The following PTPN11 variants were observed in gnomAD, a reference collection of about 807,000 sequenced individuals.
The protein encoded by PTPN11 is tyrosine-protein phosphatase non-receptor type 11.
PTPN11 carries 6 observed loss-of-function variants against 78.8 expected under a neutral mutation model. That is an observed-to-expected ratio of 0.08 (90% CI 0.04 to 0.15). The LOEUF is 0.15. Ranked by LOEUF, PTPN11 falls within the 10% of genes least tolerant of loss-of-function variation. The probability of loss-of-function intolerance (pLI) is 1.00; values close to 1 mark genes in which losing one functional copy is unlikely to be tolerated. For missense variants in PTPN11, 386 were observed against 744.8 expected (o/e 0.52, Z 5.61); for synonymous variants, 221 against 263.5 (o/e 0.84, Z 1.56).
intron 6 of PTPN11, among the ~76,000 whole-genome samples, chr12:112,471,282 T>A (rs541524723): frequency 1.3e-5 from 2 of 152,204 alleles, no homozygotes; most frequent in Non-Finnish European, 2.9e-5. Context: ...ATAAATTTTC[T>A]TTTCTTAGCC....
intron 14 of PTPN11, among the ~76,000 whole-genome samples, chr12:112,503,265 A>G (rs1275958172): frequency 6.6e-6 from 1 of 152,238 alleles, no homozygotes; most frequent in Admixed American, 6.5e-5. Flanking sequence ...AAAACACGGT[A>G]GGAAAGCATT....
chr12:112,500,436 A>G (rs1444548595), intron 13 of PTPN11, among the ~76,000 whole-genome samples: 1 of 152,190 alleles, frequency 6.6e-6, no homozygotes, highest in African/African-American at 2.4e-5. Context: ...GCTGTTCAAA[A>G]AATTAAAATA....
At chr12:112,429,838 G>T (rs888643123) in intron 1 of PTPN11, among the ~76,000 whole-genome samples, 1 of 151,326 alleles carries the variant, frequency 6.6e-6, no homozygotes, top group African/African-American at 2.4e-5. Flanking sequence ...GAAATTTTTA[G>T]AAATATGAGA....
intron 2 of PTPN11, among the ~76,000 whole-genome samples, chr12:112,447,118 C>T (rs914336961): frequency 7.2e-5 from 11 of 152,186 alleles, no homozygotes; most frequent in Non-Finnish European, 1.6e-4. Context: ...ATCCTCCTGC[C>T]TCAGCCTCCC....
At chr12:112,422,125 A>G (rs983038633) in intron 1 of PTPN11, among the ~76,000 whole-genome samples, 3 of 152,218 alleles carry the variant, frequency 2.0e-5, no homozygotes, top group Non-Finnish European at 4.4e-5. Flanking sequence ...GGATGGGAGA[A>G]TGCAGTTAGT....
rs942215926 is a variant in PTPN11, at chr12:112,504,006, C to T, written c.1713-689C>T. ...ATCTCTCATCACTGCCTGCCTGCTC[C>T]TGTATTTTCCCTTCTTGGAGCTTTT... On this transcript the variant is annotated intron_variant, in intron 14 of 15. Transcript: ENST00000351677. This position sits in a 1 kb window ranked among gnomAD's most constrained non-coding sequence, Gnocchi z 4.7. 1.1e-4 allele frequency among the ~76,000 whole-genome samples: 16 copies of T among 152,176 alleles called. No homozygotes were observed. The highest frequency in any genetic ancestry group is 2.6e-4 in the Admixed American group (4 of 15,270).
intron 1 of PTPN11, among the ~76,000 whole-genome samples, chr12:112,429,802 C>CAA (rs1325847121): frequency 8.0e-6 from 1 of 125,510 alleles, no homozygotes; most frequent in East Asian, 2.3e-4. Flanking sequence ...GACTCCGTCT[C>CAA]AAAAAAAAAA....
At chr12:112,447,688 T>C (rs968370819) in intron 2 of PTPN11, among the ~76,000 whole-genome samples, 38 of 151,252 alleles carry the variant, frequency 2.5e-4, no homozygotes, top group African/African-American at 9.0e-4. Flanking sequence ...TTAGTAGAGA[T>C]GGGGTTTCAC....
intron 1 of PTPN11, among the ~76,000 whole-genome samples, 168 bp downstream of exon 1, chr12:112,419,293 G>GCCCCACCGCGC (rs1213021581): frequency 1.3e-5 from 2 of 152,086 alleles, no homozygotes; most frequent in East Asian, 1.9e-4. Flanking sequence ...CCGGGGGCCG[G>GCCCCACCGCGC]CCCCACCGCG....
intron 6 of PTPN11, among the ~76,000 whole-genome samples, chr12:112,470,080 T>C (rs1432859783): frequency 6.6e-6 from 1 of 152,062 alleles, no homozygotes; most frequent in African/African-American, 2.4e-5. Context: ...TGCCACTATG[T>C]CTGGCTAATC....
intron 11 of PTPN11, among the ~76,000 whole-genome samples, chr12:112,488,163 G>A (rs562849813): frequency 6.6e-6 from 1 of 152,190 alleles, no homozygotes; most frequent in South Asian, 2.1e-4. Flanking sequence ...TATGGTATGT[G>A]CTGTTGTCCC....
intron 13 of PTPN11, among the ~76,000 whole-genome samples, chr12:112,491,947 C>A (rs1246553195): frequency 6.6e-6 from 1 of 152,160 alleles, no homozygotes; most frequent in African/African-American, 2.4e-5. Flanking sequence ...GCTCAAGTGA[C>A]CCTCCCGCCT....
chr12:112,444,325 A>G (rs2037955843), intron 1 of PTPN11, among the ~76,000 whole-genome samples: 1 of 152,002 alleles, frequency 6.6e-6, no homozygotes, highest in African/African-American at 2.4e-5. Flanking sequence ...TTTCTGGATC[A>G]TATGGTACTT....
At chr12:112,460,322 C>T (rs911651548) in intron 6 of PTPN11, among the ~76,000 whole-genome samples, 5 of 152,142 alleles carry the variant, frequency 3.3e-5, no homozygotes, top group African/African-American at 7.2e-5. Context: ...AAAACAGATT[C>T]ATATAAAGGA....
chr12:112,491,831 G>C (rs1440722211), intron 13 of PTPN11, among the ~76,000 whole-genome samples: 2 of 152,010 alleles, frequency 1.3e-5, no homozygotes, highest in African/African-American at 2.4e-5. Flanking sequence ...TCAGCCTCTC[G>C]AGTAGCTGGA....
chr12:112,467,977 A>G (rs528928974), intron 6 of PTPN11, among the ~76,000 whole-genome samples: 67 of 152,248 alleles, frequency 4.4e-4, no homozygotes, highest in African/African-American at 1.6e-3. Context: ...CATTAAATTT[A>G]ATAGTTTTAT....
intron 13 of PTPN11, among the ~76,000 whole-genome samples, chr12:112,492,611 G>A (rs1038763599): frequency 1.1e-4 from 17 of 151,334 alleles, no homozygotes; most frequent in African/African-American, 2.9e-4. Context: ...TCCACCTCCC[G>A]GGTTGACGCC....
At chr12:112,492,661 G>C (rs2135920577) in intron 13 of PTPN11, among the ~76,000 whole-genome samples, 1 of 151,994 alleles carries the variant, frequency 6.6e-6, no homozygotes, top group East Asian at 1.9e-4. Flanking sequence ...GGGACTACAG[G>C]CGCCCGCCAT....
intron 6 of PTPN11, among the ~76,000 whole-genome samples, chr12:112,463,982 T>C (rs2038288151): frequency 6.6e-6 from 1 of 152,236 alleles, no homozygotes; most frequent in African/African-American, 2.4e-5. Context: ...ACTCATAATC[T>C]AAATCCTCTG....
Sources: gnomAD v4.1 joint callset for allele counts (sites outside exome capture counted in the v4.1 genomes callset) on GRCh38, gnomAD v4.1.1 for gene constraint, Gnocchi (gnomAD v3.1) non-coding constraint, MANE v1.5 for transcripts, NCBI Gene and HGNC (gene_info 2026-07-23, HGNC 2026-07-21) for gene names.